The following IMMP2L variants were observed in gnomAD, a reference collection of about 807,000 sequenced individuals.
IMMP2L encodes mitochondrial inner membrane protease subunit 2.
IMMP2L carries 18 observed loss-of-function variants against 19.3 expected under a neutral mutation model. The observed-to-expected ratio is 0.93, with a 90% confidence interval of 0.64 to 1.38. The LOEUF (loss-of-function observed/expected upper bound fraction) is 1.38. Among genes scored for constraint, IMMP2L ranks in the 40% most tolerant of loss-of-function variants. The probability of loss-of-function intolerance (pLI) is 0.00; values close to 1 mark genes in which losing one functional copy is unlikely to be tolerated. For synonymous variants in IMMP2L, 76 were observed against 73.0 expected (o/e 1.04, Z -0.21); for missense variants, 233 against 218.2 (o/e 1.07, Z -0.43).
intron 1 of IMMP2L, among the ~76,000 whole-genome samples, chr7:111,525,908 G>A (rs1346397326): frequency 1.3e-5 from 2 of 151,972 alleles, no homozygotes; most frequent in Non-Finnish European, 2.9e-5. Context: ...AAGGGACGAT[G>A]GCCCTGAAGC....
At chr7:111,389,903 TA>T (rs1398459483) in intron 3 of IMMP2L, among the ~76,000 whole-genome samples, 1 of 152,128 alleles carries the variant, frequency 6.6e-6, no homozygotes, top group Non-Finnish European at 1.5e-5. Flanking sequence ...ATAAGGATGT[TA>T]AAAGGTGTCT....
chr7:111,111,801 C>T (rs1410179925), intron 3 of IMMP2L, among the ~76,000 whole-genome samples: 1 of 151,634 alleles, frequency 6.6e-6, no homozygotes, highest in African/African-American at 2.4e-5. Context: ...AGTTAAGTGA[C>T]TGAACTCCAT....
intron 4 of IMMP2L, among the ~76,000 whole-genome samples, chr7:110,953,784 A>G (rs985161177): frequency 6.6e-6 from 1 of 152,098 alleles, no homozygotes; most frequent in African/African-American, 2.4e-5. Flanking sequence ...ACTCCCACCA[A>G]CAGTGTAAAA....
intron 3 of IMMP2L, among the ~76,000 whole-genome samples, chr7:111,305,705 A>G (rs1822793939): frequency 1.3e-5 from 2 of 152,210 alleles, no homozygotes; most frequent in South Asian, 2.1e-4. Context: ...TCTATCCTGG[A>G]AAGGCTAATA....
intron 5 of IMMP2L, among the ~76,000 whole-genome samples, chr7:110,752,700 A>G (rs994008415): frequency 2.0e-5 from 3 of 152,028 alleles, no homozygotes; most frequent in African/African-American, 7.2e-5. Flanking sequence ...CTTTCAGCCA[A>G]TCAAAGAAGA....
rs947746919 is a variant in IMMP2L at position 110,679,065 on chromosome 7, C to T, written c.409-15344G>A. 2.0e-5 allele frequency among the ~76,000 whole-genome samples: 3 copies of T among 152,280 alleles called. No homozygotes were observed. The East Asian group carries it at 5.8e-4, about 29-fold the overall frequency. On this transcript the variant is annotated intron_variant, in intron 5 of 5. Transcript: ENST00000405709. Reference sequence around the variant, plus strand: ...TTTTCAGGTCACTCCATAGCCTCTTCATGCTTCTCTCTAGATAACTACAGA... The same window carrying T: ...TTTTCAGGTCACTCCATAGCCTCTTTATGCTTCTCTCTAGATAACTACAGA...
At chr7:111,156,211 T>C (rs1289019532) in intron 3 of IMMP2L, among the ~76,000 whole-genome samples, 1 of 152,088 alleles carries the variant, frequency 6.6e-6, no homozygotes, top group African/African-American at 2.4e-5. Flanking sequence ...GTTTGGACTG[T>C]ATTTAGGATT....
chr7:111,072,547 CAA>C (rs111388342), intron 3 of IMMP2L, among the ~76,000 whole-genome samples: 2 of 142,496 alleles, frequency 1.4e-5, no homozygotes, highest in African/African-American at 2.5e-5. Context: ...CCACAAAACT[CAA>C]AAAAAAAAAA....
intron 3 of IMMP2L, among the ~76,000 whole-genome samples, chr7:111,432,612 C>G (rs1331646177): frequency 1.3e-5 from 2 of 151,568 alleles, no homozygotes; most frequent in African/African-American, 2.4e-5. Context: ...CAACATTTTA[C>G]TTAATATGGA....
chr7:111,210,977 T>C (rs1187195686), intron 3 of IMMP2L, among the ~76,000 whole-genome samples: 1 of 152,142 alleles, frequency 6.6e-6, no homozygotes, highest in Non-Finnish European at 1.5e-5. Context: ...AGAAATTTAA[T>C]TTAAGCAAAA....
intron 5 of IMMP2L, among the ~76,000 whole-genome samples, chr7:110,815,875 T>C (rs1802460176): frequency 6.6e-6 from 1 of 152,108 alleles, no homozygotes; most frequent in Admixed American, 6.6e-5. Flanking sequence ...TTATTAGTCT[T>C]GCTAGCGGTC....
At chr7:111,313,477 C>G (rs530011916) in intron 3 of IMMP2L, among the ~76,000 whole-genome samples, 1 of 152,052 alleles carries the variant, frequency 6.6e-6, no homozygotes, top group Non-Finnish European at 1.5e-5. Flanking sequence ...TATCTTCTAA[C>G]CATTTATAAA....
chr7:111,175,570 T>A (rs1284740173), intron 3 of IMMP2L, among the ~76,000 whole-genome samples: 3 of 150,686 alleles, frequency 2.0e-5, no homozygotes, highest in Middle Eastern at 6.8e-3. Flanking sequence ...GGTTTTTTTT[T>A]AAATAGTAGA....
intron 3 of IMMP2L, among the ~76,000 whole-genome samples, chr7:111,032,082 G>C (rs1197966658): frequency 1.3e-5 from 2 of 152,068 alleles, no homozygotes; most frequent in East Asian, 3.9e-4. Context: ...GGAACGACAA[G>C]TGGGCATGAC....
intron 3 of IMMP2L, among the ~76,000 whole-genome samples, chr7:111,006,345 A>G (rs1824290149): frequency 6.6e-6 from 1 of 152,116 alleles, no homozygotes; most frequent in African/African-American, 2.4e-5. Flanking sequence ...TGACATTTAT[A>G]TCATATTATT....
intron 3 of IMMP2L, among the ~76,000 whole-genome samples, chr7:110,971,825 A>C (rs1329567161): frequency 6.6e-6 from 1 of 152,060 alleles, no homozygotes; most frequent in African/African-American, 2.4e-5. Context: ...TCTAGTGACA[A>C]TCGAGATATG....
chr7:111,346,062 C>T (rs886207074), intron 3 of IMMP2L, among the ~76,000 whole-genome samples: 7 of 152,158 alleles, frequency 4.6e-5, no homozygotes, highest in Non-Finnish European at 7.3e-5. Context: ...TACCTAACCA[C>T]TCTCTTCTAA....
At position 111,421,091 on chromosome 7, in the gene IMMP2L, T is replaced by C. The variant is rs181717010; in HGVS notation, c.239+66147A>G. Among the ~76,000 whole-genome samples the C allele has an allele frequency of 2.2e-4, 34 of 151,836 alleles. No homozygotes were observed. In the East Asian group the frequency reaches 5.4e-3, roughly 24 times the overall value. On this transcript the variant is annotated intron_variant, in intron 3 of 5. Transcript: ENST00000405709. ...CTGTTGTTCCCTGAGTTTTTAATGA[T>C]TGCCATTCTAACTGGCATGAGATGG... is the stretch of plus-strand genomic sequence containing the variant.
intron 5 of IMMP2L, among the ~76,000 whole-genome samples, chr7:110,688,761 T>C (rs886798692): frequency 6.6e-5 from 10 of 152,060 alleles, no homozygotes; most frequent in African/African-American, 1.9e-4. Flanking sequence ...AAGGAGCCAA[T>C]TACAAAACTG....
Sources: gnomAD v4.1 joint callset for allele counts (sites outside exome capture counted in the v4.1 genomes callset) on GRCh38, gnomAD v4.1.1 for gene constraint, MANE v1.5 for transcripts, NCBI Gene and HGNC (gene_info 2026-07-23, HGNC 2026-07-21) for gene names.